The following ARHGAP10 variants were observed in gnomAD, a reference collection of about 807,000 sequenced individuals.
The protein encoded by ARHGAP10 is Rho GTPase activating protein 10.
In ARHGAP10, 87 loss-of-function variants were observed where a neutral mutation model predicts 108.6. The observed-to-expected ratio is 0.80, with a 90% CI of 0.67 to 0.96. The LOEUF (loss-of-function observed/expected upper bound fraction) is 0.96, where lower values mean the gene tolerates loss of function less well. Among genes scored for constraint, ARHGAP10 ranks in the 40% least tolerant of loss-of-function variants. The pLI is 0.00. For synonymous variants in ARHGAP10, 347 were observed against 341.1 expected, an observed-to-expected ratio of 1.02 and a Z score of -0.19; for missense variants, 939 against 954.5, an observed-to-expected ratio of 0.98 and a Z score of 0.21.
At chr4:147,734,853 A>G (rs971209085) in intron 1 of ARHGAP10, among the ~76,000 whole-genome samples, 2 of 152,246 alleles carry the variant, frequency 1.3e-5, no homozygotes, top group Admixed American at 1.3e-4. Flanking sequence ...GAGGATCTAC[A>G]GAAAGAATAA....
Position 147,803,446 on chromosome 4 carries a change from G to A in ARHGAP10, c.155-19281G>A, listed in dbSNP as rs535038816. Among the ~76,000 whole-genome samples, 5 of 152,310 alleles carry A rather than the reference G, an allele frequency of 3.3e-5. No individual in the cohort carries two copies. The South Asian group carries it at 1.0e-3, about 32-fold the overall frequency. ...CTATTGCCTCAAACATTTATCATGT[G>A]CTTTGGGAACATTTCATATCTTTTC... is the stretch of plus-strand genomic sequence containing the variant. On this transcript the variant is annotated intron_variant, in intron 1 of 22. Coordinates refer to ENST00000336498, the MANE Select transcript of ARHGAP10 (RefSeq NM_024605.4).
intron 4 of ARHGAP10, among the ~76,000 whole-genome samples, chr4:147,855,863 G>GT (rs1172568302): frequency 6.6e-6 from 1 of 152,076 alleles, no homozygotes; most frequent in Non-Finnish European, 1.5e-5. Context: ...AGAACAGCGT[G>GT]TGGTCCCATG....
chr4:147,945,087 T>C (rs1738319778), intron 14 of ARHGAP10, among the ~76,000 whole-genome samples: 1 of 152,156 alleles, frequency 6.6e-6, no homozygotes, highest in Non-Finnish European at 1.5e-5. Context: ...GCCAGGTTGT[T>C]AGAAGCGTGT....
intron 1 of ARHGAP10, among the ~76,000 whole-genome samples, chr4:147,820,839 C>T (rs1243730139): frequency 6.6e-6 from 1 of 152,096 alleles, no homozygotes; most frequent in African/African-American, 2.4e-5. Flanking sequence ...GATCTGCCCA[C>T]CTTGGCCTTC....
At chr4:147,795,685 TTTTAA>T (rs998685954) in intron 1 of ARHGAP10, among the ~76,000 whole-genome samples, 4 of 151,670 alleles carry the variant, frequency 2.6e-5, no homozygotes, top group African/African-American at 9.7e-5. Flanking sequence ...TTTTTTATTT[TTTTAA>T]TTTAATTTAA....
chr4:147,800,144 G>C (rs937054039), intron 1 of ARHGAP10, among the ~76,000 whole-genome samples: 5 of 152,188 alleles, frequency 3.3e-5, no homozygotes, highest in African/African-American at 1.2e-4. Flanking sequence ...GAGGCAGAAG[G>C]GATTTCCCTA....
At chr4:148,036,437 T>A (rs2149673485) in intron 19 of ARHGAP10, among the ~76,000 whole-genome samples, 1 of 152,292 alleles carries the variant, frequency 6.6e-6, no homozygotes, top group South Asian at 2.1e-4. Context: ...GGTAGTTGAA[T>A]CGTGGGAGCA....
intron 1 of ARHGAP10, among the ~76,000 whole-genome samples, chr4:147,784,047 A>G (rs1171330551): frequency 7.0e-6 from 1 of 143,312 alleles, no homozygotes; most frequent in Non-Finnish European, 1.5e-5. Context: ...ATTATATATT[A>G]TATATTTTAC....
At chr4:147,758,850 G>A (rs1011529395) in intron 1 of ARHGAP10, among the ~76,000 whole-genome samples, 6 of 151,130 alleles carry the variant, frequency 4.0e-5, no homozygotes, top group African/African-American at 7.3e-5. Context: ...GTGGTGGTGC[G>A]TGCCTGTAGT....
intron 22 of ARHGAP10, among the ~76,000 whole-genome samples, chr4:148,068,004 A>G (rs539248096): frequency 7.2e-6 from 1 of 138,174 alleles, no homozygotes; most frequent in Admixed American, 7.2e-5. Context: ...CCCTCGGGAG[A>G]GGGCTGTGTT....
At position 148,046,898 on chromosome 4, in the gene ARHGAP10, A is replaced by T. The variant is rs142479942; in HGVS notation, c.1874A>T (p.Asn625Ile). The change falls in exon 20 of 23, where the codon AAT becomes ATT. Residue 625 changes from asparagine to isoleucine, a missense_variant. Transcript: ENST00000336498. ...NLCLELEDGD[N>I]PYPSKEDTPT... ...ATGCTTTTTTTCCTCCTAGGTGACAATCCTTACCCTTCCAAGGAGGACACC... is the reference window on the plus strand; with the variant it reads ...ATGCTTTTTTTCCTCCTAGGTGACATTCCTTACCCTTCCAAGGAGGACACC... The T allele has an allele frequency of 4.5e-5, 72 of 1,613,304 alleles. No homozygotes were observed. The highest frequency in any genetic ancestry group is 5.8e-5 in the Non-Finnish European group (69 of 1,179,732).
At chr4:147,945,302 C>G (rs1430682034) in intron 14 of ARHGAP10, among the ~76,000 whole-genome samples, 1 of 150,688 alleles carries the variant, frequency 6.6e-6, no homozygotes, top group Non-Finnish European at 1.5e-5. Flanking sequence ...TTTTTTTTTC[C>G]TGGTGCCATA....
chr4:147,822,962 G>C lies in ARHGAP10; in HGVS notation c.312+5G>C. ...GAGGAACAGAGAGAAATTATGGTGA[G>C]TTGAGAGGGGTGTAAATTAATAAGT... is the stretch of plus-strand genomic sequence containing the variant. On this transcript the variant is annotated splice_donor_5th_base_variant and intron_variant, in intron 3 of 22. Transcript: ENST00000336498. 6.2e-7 allele frequency: 1 copy of C among 1,610,670 alleles called. No individual in the cohort carries two copies. Among genetic ancestry groups the C allele is most frequent in the Non-Finnish European group, 8.5e-7 (1 of 1,177,060 alleles).
chr4:147,781,712 C>A (rs1048949067), intron 1 of ARHGAP10, among the ~76,000 whole-genome samples: 2 of 138,028 alleles, frequency 1.4e-5, no homozygotes, highest in Non-Finnish European at 3.0e-5. Flanking sequence ...CAGTCTTGCT[C>A]TGTCGCCCAG....
At chr4:148,001,991 C>T (rs1343813352) in intron 18 of ARHGAP10, among the ~76,000 whole-genome samples, 1 of 152,260 alleles carries the variant, frequency 6.6e-6, no homozygotes. Flanking sequence ...TGTCTTGTGC[C>T]AGTTTTCAAA....
intron 18 of ARHGAP10, among the ~76,000 whole-genome samples, chr4:147,992,966 C>A (rs1005689116): frequency 6.6e-6 from 1 of 152,190 alleles, no homozygotes; most frequent in East Asian, 1.9e-4. Context: ...GAAGAAGGCA[C>A]CTCTGTCTTT....
chr4:148,043,064 A>G (rs577380221), intron 19 of ARHGAP10, among the ~76,000 whole-genome samples: 1 of 152,196 alleles, frequency 6.6e-6, no homozygotes, highest in Non-Finnish European at 1.5e-5. Context: ...GACAAAATGT[A>G]CAAGGGAAAT....
At chr4:147,849,131 A>G (rs915706966) in intron 4 of ARHGAP10, among the ~76,000 whole-genome samples, 1 of 152,186 alleles carries the variant, frequency 6.6e-6, no homozygotes, top group Admixed American at 6.5e-5. Context: ...TTTGTGTACC[A>G]TAATAAACAG....
At chr4:147,976,493 T>A (rs1053065074) in intron 18 of ARHGAP10, among the ~76,000 whole-genome samples, 3 of 151,848 alleles carry the variant, frequency 2.0e-5, no homozygotes, top group South Asian at 2.1e-4. Context: ...TTTTCATGAA[T>A]GTTGACTTGT....
Sources: allele counts gnomAD v4.1 joint callset (sites outside exome capture counted in the v4.1 genomes callset), GRCh38; gene constraint gnomAD v4.1.1; transcripts MANE v1.5; gene names NCBI Gene and HGNC (gene_info 2026-07-23, HGNC 2026-07-21).